SLC6A12: variants seen among roughly 807,000 people sequenced by gnomAD.
The protein encoded by SLC6A12 is sodium- and chloride-dependent betaine transporter.
A neutral mutation model predicts 73.3 loss-of-function variants in SLC6A12; 50 were observed. That is an observed-to-expected ratio of 0.68 (90% CI 0.54 to 0.86). The LOEUF (loss-of-function observed/expected upper bound fraction) is 0.86. SLC6A12 is among the 40% of genes least tolerant of loss of function. The probability of loss-of-function intolerance (pLI) is 0.00; values close to 1 mark genes in which losing one functional copy is unlikely to be tolerated. For missense variants in SLC6A12, 648 were observed against 772.8 expected (o/e 0.84, Z 1.92); for synonymous variants, 304 against 309.2 (o/e 0.98, Z 0.18).
chr12:187,586 G>A (rs1257735538), downstream of SLC6A12, among the ~76,000 whole-genome samples: 17 of 82,764 alleles, frequency 2.1e-4, no homozygotes, highest in African/African-American at 1.2e-3. Flanking sequence ...TACTGCAAAA[G>A]AGCAAAAAAA....
intron 4 of SLC6A12, 60 bp downstream of exon 4, chr12:204,504 A>G: frequency 6.5e-7 from 1 of 1,531,846 alleles, no homozygotes; most frequent in Non-Finnish European, 9.0e-7. Flanking sequence ...GGGAGAGACC[A>G]TGGGGGGATG....
chr12:196,872 C>T lies in SLC6A12; in HGVS notation c.1086G>A (p.Leu362=). 6.2e-7 allele frequency: 1 copy of T among 1,613,426 alleles called. No individual in the cohort carries two copies. Among genetic ancestry groups the T allele is most frequent in the Non-Finnish European group, 8.5e-7 (1 of 1,179,570 alleles). Residue 362 remains leucine, a synonymous_variant, in exon 11 of 16, where the codon CTG becomes CTA. Coordinates refer to ENST00000684302, the MANE Select transcript of SLC6A12 (RefSeq NM_001122848.3). ...ISEVAESGPG[L]AFIAFPKAVT... Reference sequence around the variant, plus strand: ...CAGCCTTGGGGAAGGCGATGAAGGCCAGCCCAGGACCTGCCAGGTACACAG... The same window carrying T: ...CAGCCTTGGGGAAGGCGATGAAGGCTAGCCCAGGACCTGCCAGGTACACAG...
In SLC6A12 at chr12:198,789, G is replaced by C. The variant is rs749567580; in HGVS notation, c.846+8C>G. On this transcript the variant is annotated splice_region_variant and intron_variant, in intron 8 of 15. Coordinates refer to ENST00000684302, the MANE Select transcript of SLC6A12 (RefSeq NM_001122848.3). The surrounding 1 kb of genome is among the most constrained non-coding windows in gnomAD (Gnocchi z 4.0). ...CACCTGGGGAAGTGGTCCCAGCACG[G>C]TACATACCTGAGGGTCCTTGAGGCG... is the stretch of plus-strand genomic sequence containing the variant. 1 of 1,614,156 alleles carries C rather than the reference G, an allele frequency of 6.2e-7. No individual in the cohort carries two copies. The highest frequency in any genetic ancestry group is 8.5e-7 in the Non-Finnish European group (1 of 1,179,990).
intron 2 of SLC6A12, 86 bp from the exon 3 acceptor site, chr12:210,129 ATTG>A (rs1940844640): frequency 7.0e-7 from 1 of 1,420,308 alleles, no homozygotes; most frequent in Non-Finnish European, 9.3e-7. Context: ...CTGTCAGCAT[ATTG>A]TTGTTCTTCC....
chr12:203,059 C>CTTTT (rs10582500), intron 4 of SLC6A12, among the ~76,000 whole-genome samples, 179 bp from the exon 5 acceptor site: 32 of 68,328 alleles, frequency 4.7e-4, no homozygotes, highest in Admixed American at 8.1e-4. Context: ...TTTTTCTTTT[C>CTTTT]TTTTTTTTTT....
At chr12:207,230 G>A (rs941624627) in intron 3 of SLC6A12, among the ~76,000 whole-genome samples, 6 of 152,232 alleles carry the variant, frequency 3.9e-5, no homozygotes, top group African/African-American at 7.2e-5. Context: ...GGGCACGGGC[G>A]GCCCAGCGAT....
chr12:197,623 G>T, intron 9 of SLC6A12, 122 bp from the exon 10 acceptor site: 3 of 921,072 alleles, frequency 3.3e-6, no homozygotes, highest in Non-Finnish European at 4.8e-6. Context: ...GAAGGGGGAG[G>T]CAAGGGAGGC....
Position 197,899 on chromosome 12 carries a change from C to T in SLC6A12, c.950+1G>A, listed in dbSNP as rs2137135589. ...CCCACCCCGGCCCACGCTGTTCTCACTTGTAGCAGTTGTTGTGATACTTGT... is the reference window on the plus strand; with the variant it reads ...CCCACCCCGGCCCACGCTGTTCTCATTTGTAGCAGTTGTTGTGATACTTGT... On this transcript the variant is annotated splice_donor_variant, in intron 9 of 15. Transcript: ENST00000684302. LOFTEE classifies it high-confidence loss of function. 1.3e-6 allele frequency: 2 copies of T among 1,515,564 alleles called. No homozygotes were observed. Among genetic ancestry groups the T allele is most frequent in the African/African-American group, 1.4e-5 (1 of 72,080 alleles). The allele number at this position is 1,515,564 out of a possible 1,614,324, so 93.9% of individuals were successfully genotyped here.
At chr12:205,731 ATGTATTTC>A (rs1354449160) in intron 3 of SLC6A12, among the ~76,000 whole-genome samples, 1 of 152,248 alleles carries the variant, frequency 6.6e-6, no homozygotes, top group African/African-American at 2.4e-5. Flanking sequence ...AAGCACACAC[ATGTATTTC>A]TTTTTTTGCA....
chr12:184,594 CA>C, the SLC6A12 span, among the ~76,000 whole-genome samples: 1 of 151,958 alleles, frequency 6.6e-6, no homozygotes, highest in African/African-American at 2.4e-5. Context: ...ACTAAAAATA[CA>C]AAAAATTAGC....
At position 202,664 on chromosome 12, in the gene SLC6A12, G is replaced by A. The variant is rs566098030; in HGVS notation, c.490+76C>T. The A allele has an allele frequency of 2.9e-5, 42 of 1,472,936 alleles. 1 individual carries two copies. The highest frequency in any genetic ancestry group is 1.8e-4 in the African/African-American group (13 of 71,242). 91.2% of individuals were successfully genotyped at this position (1,472,936 alleles called of 1,614,324 possible). On this transcript the variant is annotated intron_variant, in intron 5 of 15. Coordinates refer to ENST00000684302, the MANE Select transcript of SLC6A12 (RefSeq NM_001122848.3). Reference sequence around the variant, plus strand: ...AGGTTCTGCTACACTTATACTCCCCGTCGTTGCTTGGATTCACCAGCCACC... The same window carrying A: ...AGGTTCTGCTACACTTATACTCCCCATCGTTGCTTGGATTCACCAGCCACC...
At chr12:192,450 A>G (rs1428879087) in intron 15 of SLC6A12, 28 bp downstream of exon 15, 1 of 1,604,788 alleles carries the variant, frequency 6.2e-7, no homozygotes. Flanking sequence ...CCCTCCTTTA[A>G]GAGGTCACTC....
rs1466787448 is a variant in SLC6A12 at position 190,462 on chromosome 12, T to C, written c.*606A>G. ...TCCATTCCAATGCTCCAGGAGTTGA[T>C]GAAACACTGCAAGAACAGTGCGGAA... On this transcript the variant is annotated 3_prime_UTR_variant, in exon 16 of 16. Transcript: ENST00000684302. 1 of 152,142 alleles carries C rather than the reference T, an allele frequency of 6.6e-6. No homozygotes were observed. The highest frequency in any genetic ancestry group is 2.4e-5 in the African/African-American group (1 of 41,400). The allele number at this position is 152,142 out of a possible 1,614,324, so 9.4% of individuals were successfully genotyped here. A position where few individuals can be genotyped will look rare whatever the true frequency, so the allele number is the denominator to read the frequency against.
intron 3 of SLC6A12, among the ~76,000 whole-genome samples, chr12:208,711 C>T (rs932409376): frequency 3.3e-5 from 5 of 152,000 alleles, no homozygotes; most frequent in Admixed American, 1.3e-4. Context: ...GAATGAGGAG[C>T]GACTGCGAAT....
At chr12:186,172 C>T (rs1310014858), downstream of SLC6A12, among the ~76,000 whole-genome samples, 1 of 152,084 alleles carries the variant, frequency 6.6e-6, no homozygotes, top group Non-Finnish European at 1.5e-5. Context: ...GAAGAGGGGC[C>T]ACGCCTGACT....
intron 9 of SLC6A12, 65 bp downstream of exon 9, chr12:197,835 T>C (rs1939998287): frequency 2.5e-6 from 3 of 1,204,856 alleles, no homozygotes; most frequent in Non-Finnish European, 3.7e-6. Context: ...CTATGGGTCT[T>C]TGCCCAGAAC....
intron 14 of SLC6A12, among the ~76,000 whole-genome samples, chr12:192,866 T>G (rs1939671953): frequency 7.1e-6 from 1 of 140,690 alleles, no homozygotes; most frequent in Non-Finnish European, 1.6e-5. Flanking sequence ...CGGAAGAGCA[T>G]CATTCACATC....
intron 2 of SLC6A12, among the ~76,000 whole-genome samples, chr12:210,966 G>A (rs1940881975): frequency 6.6e-6 from 1 of 152,224 alleles, no homozygotes; most frequent in Non-Finnish European, 1.5e-5. Flanking sequence ...CAACTGCCAG[G>A]AGACAAATCC....
At chr12:187,639 C>CT (rs1939460713), downstream of SLC6A12, among the ~76,000 whole-genome samples, 1 of 122,438 alleles carries the variant, frequency 8.2e-6, no homozygotes. Flanking sequence ...AAACAAACCA[C>CT]ACACACAGCA....
Sources: allele counts gnomAD v4.1 joint callset (sites outside exome capture counted in the v4.1 genomes callset), GRCh38; gene constraint gnomAD v4.1.1; non-coding constraint Gnocchi (gnomAD v3.1); transcripts MANE v1.5; gene names NCBI Gene and HGNC (gene_info 2026-07-23, HGNC 2026-07-21).